Variants in TMEM132C observed in about 807,000 individuals in gnomAD.
TMEM132C encodes the protein transmembrane protein 132C.
TMEM132C carries 29 observed loss-of-function variants against 61.4 expected under a neutral mutation model. The ratio of observed to expected loss-of-function variants is 0.47; its 90% CI spans 0.35 to 0.64. The LOEUF (loss-of-function observed/expected upper bound fraction) is 0.64, where lower values mean the gene tolerates loss of function less well. Ranked by LOEUF, TMEM132C falls within the 30% of genes least tolerant of loss-of-function variation. The pLI, the probability that TMEM132C is intolerant of heterozygous loss-of-function variation, is 0.00. For synonymous variants in TMEM132C, 656 were observed against 633.1 expected (o/e 1.04, Z -0.54); for missense variants, 1,408 against 1,476.9 (o/e 0.95, Z 0.76).
At chr12:128,305,787 C>T (rs1332354641) in intron 1 of TMEM132C, among the ~76,000 whole-genome samples, 3 of 152,132 alleles carry the variant, frequency 2.0e-5, no homozygotes, top group South Asian at 2.1e-4. Flanking sequence ...GCTTTATCTG[C>T]GTCTGGATGT....
intron 3 of TMEM132C, among the ~76,000 whole-genome samples, chr12:128,606,822 T>A (rs1420945877): frequency 6.6e-6 from 1 of 152,246 alleles, no homozygotes; most frequent in Non-Finnish European, 1.5e-5. Context: ...GGGCCTCTCT[T>A]GTATATTGAC....
intron 6 of TMEM132C, among the ~76,000 whole-genome samples, chr12:128,695,278 G>T (rs1954750862): frequency 6.6e-6 from 1 of 152,156 alleles, no homozygotes; most frequent in Non-Finnish European, 1.5e-5. Context: ...CCAGCACTTT[G>T]GGAGGCCAAG....
At chr12:128,421,704 C>T (rs2136027523) in intron 2 of TMEM132C, among the ~76,000 whole-genome samples, 2 of 152,204 alleles carry the variant, frequency 1.3e-5, no homozygotes, top group East Asian at 3.9e-4. Flanking sequence ...TTCATGAGAC[C>T]CAAAAGTCAA....
intron 3 of TMEM132C, among the ~76,000 whole-genome samples, chr12:128,592,059 G>GAAAAAAA (rs55727528): frequency 8.0e-6 from 1 of 125,464 alleles, no homozygotes; most frequent in African/African-American, 3.0e-5. Context: ...AAAAAAAAAA[G>GAAAAAAA]AAAAAAAAAA....
chr12:128,301,981 C>T (rs1000429610), intron 1 of TMEM132C, among the ~76,000 whole-genome samples: 1 of 152,194 alleles, frequency 6.6e-6, no homozygotes, highest in African/African-American at 2.4e-5. Flanking sequence ...GACTTACTTA[C>T]TACCACGAGA....
intron 2 of TMEM132C, among the ~76,000 whole-genome samples, chr12:128,527,660 G>A (rs1388135916): frequency 1.3e-5 from 2 of 152,062 alleles, no homozygotes; most frequent in Non-Finnish European, 2.9e-5. Context: ...CAAGTTAGCA[G>A]TGGGGTGTTT....
At position 128,414,846 on chromosome 12, in the gene TMEM132C, C is replaced by T. The variant is rs1198529222; in HGVS notation, c.200C>T (p.Ala67Val). Reference protein sequence around the residue: ...RAETSFFLKEANQDLLRNSSL... With the variant: ...RAETSFFLKEVNQDLLRNSSL... ...GAGACCTCCTTCTTCCTCAAGGAAG[C>T]CAACCAGGACCTGCTGCGGAACTCC... Residue 67 changes from alanine (A) to valine (V), a missense_variant, in exon 2 of 9, where the codon GCC becomes GTC. Ala to Val is a moderately conservative substitution (Grantham distance 64, BLOSUM62 0). Transcript: ENST00000435159. The T allele has an allele frequency of 2.6e-6, 4 of 1,549,388 alleles. No individual in the cohort carries two copies. The East Asian group carries it at 9.8e-5, about 38-fold the overall frequency.
chr12:128,426,644 T>TA (rs1869193767), intron 2 of TMEM132C, among the ~76,000 whole-genome samples: 1 of 152,302 alleles, frequency 6.6e-6, no homozygotes, highest in East Asian at 1.9e-4. Flanking sequence ...AAGGAACAAT[T>TA]TTCTTTCTGC....
intron 2 of TMEM132C, among the ~76,000 whole-genome samples, chr12:128,527,319 G>A (rs1203712241): frequency 2.6e-5 from 4 of 152,186 alleles, no homozygotes; most frequent in Non-Finnish European, 4.4e-5. Flanking sequence ...TATCTCATGC[G>A]TAGCTGTTTT....
chr12:128,384,407 G>A (rs1166028688), intron 1 of TMEM132C, among the ~76,000 whole-genome samples: 1 of 152,168 alleles, frequency 6.6e-6, no homozygotes, highest in Non-Finnish European at 1.5e-5. Context: ...AGGCAGGGTT[G>A]TACCATTTGG....
chr12:128,517,233 C>T (rs1187333234), intron 2 of TMEM132C, among the ~76,000 whole-genome samples: 6 of 142,780 alleles, frequency 4.2e-5, no homozygotes, highest in South Asian at 2.3e-4. Flanking sequence ...TCCGTCTCAA[C>T]AAATAAATAA....
At chr12:128,694,190 C>T (rs1218801895) in intron 6 of TMEM132C, among the ~76,000 whole-genome samples, 156 bp downstream of exon 6, 1 of 152,190 alleles carries the variant, frequency 6.6e-6, no homozygotes, top group East Asian at 1.9e-4. Flanking sequence ...CCAAAAGCTG[C>T]TAAACAGCAG....
At chr12:128,484,824 A>T (rs1871433899) in intron 2 of TMEM132C, among the ~76,000 whole-genome samples, 1 of 151,988 alleles carries the variant, frequency 6.6e-6, no homozygotes, top group Non-Finnish European at 1.5e-5. Flanking sequence ...TAAACATGGT[A>T]GTGCATGCCT....
chr12:128,602,201 G>A (rs966964478), intron 3 of TMEM132C, among the ~76,000 whole-genome samples: 4 of 152,194 alleles, frequency 2.6e-5, no homozygotes, highest in Admixed American at 1.3e-4. Flanking sequence ...GCAAGACCGT[G>A]TCTCTAAAAT....
intron 3 of TMEM132C, among the ~76,000 whole-genome samples, chr12:128,566,004 C>G (rs1407776055): frequency 6.6e-6 from 1 of 152,066 alleles, no homozygotes; most frequent in East Asian, 1.9e-4. Context: ...ATTCTCCTGC[C>G]TCAGCCTTCC....
chr12:128,531,718 T>C (rs1593088599), intron 2 of TMEM132C, among the ~76,000 whole-genome samples: 1 of 152,226 alleles, frequency 6.6e-6, no homozygotes, highest in East Asian at 1.9e-4. Flanking sequence ...TCCTAGGGCC[T>C]CTACTCCTTT....
Position 128,705,869 on chromosome 12 carries a change from C to G in TMEM132C, c.2901C>G (p.His967Gln), listed in dbSNP as rs1221327098. 6.4e-7 allele frequency: 1 copy of G among 1,551,540 alleles called. No homozygotes were observed. Among genetic ancestry groups the G allele is most frequent in the Non-Finnish European group, 8.7e-7 (1 of 1,147,026 alleles). Residue 967 changes from histidine to glutamine, a missense_variant, in exon 9 of 9, where the codon CAC (histidine) becomes CAG (glutamine). By Grantham distance (24) the His-to-Gln change is conservative (BLOSUM62 0). Coordinates refer to ENST00000435159, the MANE Select transcript of TMEM132C (RefSeq NM_001136103.3). The stretch of plus-strand genomic sequence containing the variant: ...TGGAAGGTCAGGCCTCCATGACCCA[C>G]TCTCACGACTGGGTGTGGCTTGGCA... ...VPLEGQASMT[H>Q]SHDWVWLGNE...
chr12:128,371,221 A>G (rs969623105), intron 1 of TMEM132C, among the ~76,000 whole-genome samples: 8 of 152,140 alleles, frequency 5.3e-5, no homozygotes, highest in African/African-American at 1.9e-4. Flanking sequence ...TGACCTACTT[A>G]AAATCTATTT....
intron 1 of TMEM132C, among the ~76,000 whole-genome samples, chr12:128,329,923 G>A (rs191136702): frequency 3.9e-5 from 6 of 152,328 alleles, no homozygotes; most frequent in East Asian, 1.9e-4. Flanking sequence ...ATACGGCTGC[G>A]AGGAAGTTCG....
Sources: gnomAD v4.1 joint callset for allele counts (sites outside exome capture counted in the v4.1 genomes callset) on GRCh38, gnomAD v4.1.1 for gene constraint, MANE v1.5 for transcripts, NCBI Gene and HGNC (gene_info 2026-07-23, HGNC 2026-07-21) for gene names.